The following RAP1GAP variants were observed in gnomAD, a reference collection of about 807,000 sequenced individuals.
RAP1GAP encodes rap1 GTPase-activating protein 1.
A neutral mutation model predicts 87.2 loss-of-function variants in RAP1GAP; 35 were observed. The ratio of observed to expected loss-of-function variants is 0.40; its 90% CI spans 0.31 to 0.53. The LOEUF (loss-of-function observed/expected upper bound fraction) is 0.53. RAP1GAP is among the 20% of genes least tolerant of loss of function. RAP1GAP has a pLI of 0.48. For synonymous variants in RAP1GAP, 375 were observed against 363.9 expected, an observed-to-expected ratio of 1.03 and a Z score of -0.35; for missense variants, 734 against 898.9, an observed-to-expected ratio of 0.82 and a Z score of 2.35.
Position 21,614,105 on chromosome 1 carries a change from G to A in RAP1GAP, c.292-16C>T. ...TGAAATGCTCCTGCAGTGGGAGGTG[G>A]GGGCCAGGGGAGTGGGTGAGGCTGA... is the stretch of plus-strand genomic sequence containing the variant. On this transcript the variant is annotated splice_polypyrimidine_tract_variant and intron_variant, in intron 7 of 24. Transcript: ENST00000374765. The A allele has an allele frequency of 6.5e-7, 1 of 1,545,042 alleles. No homozygotes were observed. Among genetic ancestry groups the A allele is most frequent in the Non-Finnish European group, 8.9e-7 (1 of 1,124,884 alleles).
rs111253151 is a variant in RAP1GAP at position 21,654,954 on chromosome 1, A to C, written c.-148-5158T>G. Among the ~76,000 whole-genome samples the C allele has an allele frequency of 6.3e-3, 956 of 152,316 alleles. 3 individuals are homozygous for C. The highest frequency in any genetic ancestry group is 9.5e-3 in the Non-Finnish European group (647 of 68,030). On this transcript the variant is annotated intron_variant, in intron 1 of 24. Coordinates refer to ENST00000374765, the MANE Select transcript of RAP1GAP (RefSeq NM_002885.4). ...TCAGGAGTTCAAGACCAGCCTGGCC[A>C]ACATGGTGAAGCCCCATCTCTACTA...
intron 7 of RAP1GAP, 110 bp downstream of exon 7, chr1:21,617,188 GCTCTAGGA>G (rs1230152593): frequency 2.3e-5 from 27 of 1,186,750 alleles, no homozygotes; most frequent in Non-Finnish European, 2.9e-5. Context: ...TTCACTCAGG[GCTCTAGGA>G]CTGTCACCCA....
chr1:21,651,121 C>A (rs2151967205), intron 1 of RAP1GAP, among the ~76,000 whole-genome samples: 1 of 152,334 alleles, frequency 6.6e-6, no homozygotes, highest in South Asian at 2.1e-4. Flanking sequence ...CATCCCACCT[C>A]TGCACCCCTT....
intron 2 of RAP1GAP, among the ~76,000 whole-genome samples, chr1:21,645,353 G>A (rs1220372217): frequency 2.6e-5 from 4 of 152,026 alleles, no homozygotes; most frequent in African/African-American, 2.4e-5. Context: ...GGTGGCTCAC[G>A]CTTGTAATCC....
Position 21,613,404 on chromosome 1 carries a change from G to A in RAP1GAP, c.475-175C>T, listed in dbSNP as rs2079706079. On this transcript the variant is annotated intron_variant, in intron 9 of 24. Transcript: ENST00000374765. The surrounding 1 kb of genome is among the most constrained non-coding windows in gnomAD (Gnocchi z 4.7). Reference sequence around the variant, plus strand: ...GAACGGAGGTCCCCTGAGATCTGAAGGTGCTATAGAGAAAACCAAAAGCAC... The same window carrying A: ...GAACGGAGGTCCCCTGAGATCTGAAAGTGCTATAGAGAAAACCAAAAGCAC... Among the ~76,000 whole-genome samples the A allele has an allele frequency of 6.6e-6, 1 of 152,140 alleles. No individual in the cohort carries two copies.
At position 21,669,330 on chromosome 1, in the gene RAP1GAP, C is replaced by T; in HGVS notation, c.-225G>A. ...CCGCCGCTGCAGCTCTGCTCAGATG[C>T]GGCCGGCGCTCGCCGCCGCCGCAGT... On this transcript the variant is annotated 5_prime_UTR_variant, in exon 1 of 25. Transcript: ENST00000374765. This position sits in a 1 kb window ranked among gnomAD's most constrained non-coding sequence, Gnocchi z 5.6. 2 of 1,086,986 alleles carry T rather than the reference C, an allele frequency of 1.8e-6. No individual in the cohort carries two copies. The highest frequency in any genetic ancestry group is 2.2e-6 in the Non-Finnish European group (2 of 890,930). 67.3% of individuals were successfully genotyped at this position (1,086,986 alleles called of 1,614,324 possible).
At chr1:21,608,396 C>T in intron 16 of RAP1GAP, 46 bp from the exon 17 acceptor site, 3 of 1,589,414 alleles carry the variant, frequency 1.9e-6, no homozygotes, top group South Asian at 1.1e-5. Flanking sequence ...AAGGATCAGC[C>T]CTTCGGCCCA....
At chr1:21,621,490 G>A (rs1312876458) in intron 3 of RAP1GAP, among the ~76,000 whole-genome samples, 1 of 152,204 alleles carries the variant, frequency 6.6e-6, no homozygotes, top group Non-Finnish European at 1.5e-5. Context: ...TGCCCATAGA[G>A]GCAAGGCCCA....
chr1:21,666,273 G>A (rs937718914), intron 1 of RAP1GAP, among the ~76,000 whole-genome samples: 1 of 152,228 alleles, frequency 6.6e-6, no homozygotes, highest in African/African-American at 2.4e-5. Context: ...AGTGCTGAGG[G>A]CTCCCTTCCC....
At chr1:21,610,324 G>T in intron 13 of RAP1GAP, 49 bp from the exon 14 acceptor site, 1 of 1,603,080 alleles carries the variant, frequency 6.2e-7, no homozygotes, top group South Asian at 1.1e-5. Context: ...GGGGGCCCAT[G>T]GGGGAGAGGG....
chr1:21,634,823 A>C lies in RAP1GAP; in HGVS notation c.-112-8426T>G. 2.5e-6 allele frequency: 1 copy of C among 404,770 alleles called. No individual in the cohort carries two copies. Among genetic ancestry groups the C allele is most frequent in the South Asian group, 1.8e-5 (1 of 56,150 alleles). The allele number at this position is 404,770 out of a possible 1,614,324, so 25.1% of individuals were successfully genotyped here. ...TGGCCTGAGCCCCACTGTGGCCAAA[A>C]CCTGACCCTTCCCACCCCACCGAGG... On this transcript the variant is annotated intron_variant, in intron 2 of 24. Coordinates refer to ENST00000374765, the MANE Select transcript of RAP1GAP (RefSeq NM_002885.4). The surrounding 1 kb of genome is among the most constrained non-coding windows in gnomAD (Gnocchi z 4.1).
chr1:21,600,339 C>T (rs112224527), intron 20 of RAP1GAP, among the ~76,000 whole-genome samples: 5 of 152,318 alleles, frequency 3.3e-5, no homozygotes, highest in African/African-American at 1.2e-4. Context: ...CTGGTCCCTG[C>T]CACCCTTTCC....
chr1:21,601,681 A>T lies in RAP1GAP; in HGVS notation c.1652+3T>A, dbSNP rs1024987293. 10 of 1,597,472 alleles carry T rather than the reference A, an allele frequency of 6.3e-6. No individual in the cohort carries two copies. Among genetic ancestry groups the T allele is most frequent in the Admixed American group, 1.7e-5 (1 of 58,786 alleles). On this transcript the variant is annotated splice_donor_region_variant and intron_variant, in intron 20 of 24. Coordinates refer to ENST00000374765, the MANE Select transcript of RAP1GAP (RefSeq NM_002885.4). ...CCAAGCCCCACGTGCCCTGAGCCCCAACCTGTTCTTGGTCGTGGGCATCTC... is the reference window on the plus strand; with the variant it reads ...CCAAGCCCCACGTGCCCTGAGCCCCTACCTGTTCTTGGTCGTGGGCATCTC...
rs564064900 is a variant in RAP1GAP, at chr1:21,660,758, A to G, written c.-149+8496T>C. 1.4e-4 allele frequency among the ~76,000 whole-genome samples: 22 copies of G among 152,308 alleles called. 1 individual carries two copies. The South Asian group carries it at 4.4e-3, about 30-fold the overall frequency. On this transcript the variant is annotated intron_variant, in intron 1 of 24. Transcript: ENST00000374765. ...AGGTGATGCACACAGACACCTTAGC[A>G]TGGTGCCTTGTGCTCACGAACGGCT...
At chr1:21,619,189 TC>T in intron 4 of RAP1GAP, 117 bp from the exon 5 acceptor site, 1 of 1,102,548 alleles carries the variant, frequency 9.1e-7, no homozygotes, top group Non-Finnish European at 1.3e-6. Context: ...GTAGGGGTAC[TC>T]CCAGGGCAGG....
intron 13 of RAP1GAP, 99 bp from the exon 14 acceptor site, chr1:21,610,374 G>A: frequency 6.2e-6 from 8 of 1,282,074 alleles, no homozygotes; most frequent in South Asian, 1.3e-5. Context: ...GTAGTCAGAG[G>A]GCACATCTAA....
In RAP1GAP at chr1:21,596,789, G is replaced by C. The variant is rs1205491239; in HGVS notation, c.*510C>G. 1 of 152,272 alleles carries C rather than the reference G, an allele frequency of 6.6e-6. No homozygotes were observed. Among genetic ancestry groups the C allele is most frequent in the Admixed American group, 6.5e-5 (1 of 15,278 alleles). The allele number at this position is 152,272 out of a possible 1,614,324, so 9.4% of individuals were successfully genotyped here. A position where few individuals can be genotyped will look rare whatever the true frequency, so the allele number is the denominator to read the frequency against. On this transcript the variant is annotated 3_prime_UTR_variant, in exon 25 of 25. Coordinates refer to ENST00000374765, the MANE Select transcript of RAP1GAP (RefSeq NM_002885.4). ...TTTGTAGCAGACATGCCCAGAGAGG[G>C]AGAGTGACTTGCCCAGAGTCACACA...
At chr1:21,612,369 T>G (rs1407667465) in intron 10 of RAP1GAP, among the ~76,000 whole-genome samples, 2 of 152,104 alleles carry the variant, frequency 1.3e-5, no homozygotes, top group East Asian at 1.9e-4. Flanking sequence ...TTCCAAAGCT[T>G]AAGTTCATCG....
In RAP1GAP at chr1:21,603,422, C is replaced by T; in HGVS notation, c.1429-509G>A. Reference sequence around the variant, plus strand: ...GGATGCCCCAGGCCCCAGAAGCCCGCCCCCAGCTTCTCTGGAGGCAGGAAG... The same window carrying T: ...GGATGCCCCAGGCCCCAGAAGCCCGTCCCCAGCTTCTCTGGAGGCAGGAAG... On this transcript the variant is annotated intron_variant, in intron 18 of 24. Coordinates refer to ENST00000374765, the MANE Select transcript of RAP1GAP (RefSeq NM_002885.4). This position sits in a 1 kb window ranked among gnomAD's most constrained non-coding sequence, Gnocchi z 6.0. The T allele has an allele frequency of 1.8e-6, 1 of 554,642 alleles. No homozygotes were observed. The allele number at this position is 554,642 out of a possible 1,614,324, so 34.4% of individuals were successfully genotyped here.
Sources: gnomAD v4.1 joint callset for allele counts (sites outside exome capture counted in the v4.1 genomes callset) on GRCh38, gnomAD v4.1.1 for gene constraint, Gnocchi (gnomAD v3.1) non-coding constraint, MANE v1.5 for transcripts, NCBI Gene and HGNC (gene_info 2026-07-23, HGNC 2026-07-21) for gene names.